Variants in LITAFD observed in about 807,000 individuals in gnomAD.
LITAFD encodes lITAF domain-containing protein.
At chr16:8,883,266 G>A (rs1277871625) in exon 2 of LITAFD, 1 of 152,300 alleles carries the variant, frequency 6.6e-6, no homozygotes, top group Admixed American at 6.6e-5. Context: ...GATGTACTTT[G>A]AAGGCCCCCA....
chr16:8,885,088 C>T (rs78782709), intron 3 of LITAFD, 99 bp from the exon 4 acceptor site: 6,029 of 399,180 alleles, frequency 0.015, 64 homozygotes, highest in Non-Finnish European at 0.02. Context: ...TACACACACA[C>T]GCCCAGGCCC....
chr16:8,883,530 G>C (rs1231949871), intron 2 of LITAFD, among the ~76,000 whole-genome samples: 3 of 151,958 alleles, frequency 2.0e-5, no homozygotes, highest in African/African-American at 7.2e-5. Context: ...ATCACTGGTG[G>C]ATGGGGCCTG....
chr16:8,883,782 AG>A (rs2061552501), intron 2 of LITAFD, among the ~76,000 whole-genome samples: 1 of 152,148 alleles, frequency 6.6e-6, no homozygotes, highest in African/African-American at 2.4e-5. Context: ...AGCACCCTTT[AG>A]GTCAGGTGCG....
chr16:8,883,915 AT>A (rs1440326296), intron 2 of LITAFD, among the ~76,000 whole-genome samples: 1 of 152,096 alleles, frequency 6.6e-6, no homozygotes, highest in Non-Finnish European at 1.5e-5. Context: ...AAATACAAAA[AT>A]AAGCCGGGTG....
At chr16:8,885,079 A>G in intron 3 of LITAFD, 108 bp from the exon 4 acceptor site, 1 of 398,936 alleles carries the variant, frequency 2.5e-6, no homozygotes, top group Non-Finnish European at 4.4e-6. Flanking sequence ...TCTCAAACAT[A>G]CACACACACG....
At chr16:8,885,221 A>C (rs752354065) in exon 4 of LITAFD, 2 of 399,154 alleles carry the variant, frequency 5.0e-6, no homozygotes, top group East Asian at 3.6e-5. Context: ...GGCATTCTGC[A>C]TAAGGAGCCT....
At chr16:8,883,027 G>C (rs968286447) in intron 1 of LITAFD, among the ~76,000 whole-genome samples, 183 bp from the exon 2 acceptor site, 2 of 151,962 alleles carry the variant, frequency 1.3e-5, no homozygotes, top group Non-Finnish European at 2.9e-5. Flanking sequence ...GTTGAGATGG[G>C]GTTTCACCAT....
intron 1 of LITAFD, among the ~76,000 whole-genome samples, chr16:8,882,980 C>T (rs1038216117): frequency 2.0e-5 from 3 of 152,128 alleles, no homozygotes; most frequent in Admixed American, 6.5e-5. Context: ...GGATTACAGG[C>T]GTGCGCCACT....
intron 3 of LITAFD, among the ~76,000 whole-genome samples, chr16:8,884,791 AACAC>A (rs1042345820): frequency 2.6e-5 from 4 of 152,092 alleles, no homozygotes; most frequent in Non-Finnish European, 5.9e-5. Flanking sequence ...GGAGTTTTGA[AACAC>A]ACAGAGGGGC....
chr16:8,884,414 T>C (rs377019791), exon 3 of LITAFD: 3 of 399,118 alleles, frequency 7.5e-6, no homozygotes, highest in East Asian at 3.6e-5. Flanking sequence ...GTGACGACCT[T>C]TGTCCCGGGT....
At chr16:8,883,676 A>G (rs905417416) in intron 2 of LITAFD, among the ~76,000 whole-genome samples, 5 of 152,080 alleles carry the variant, frequency 3.3e-5, no homozygotes, top group Admixed American at 2.6e-4. Context: ...AATTTAAACA[A>G]ATTTTCCAAG....
exon 3 of LITAFD, chr16:8,884,366 A>T (rs1455727017): frequency 2.5e-6 from 1 of 399,022 alleles, no homozygotes; most frequent in Admixed American, 4.4e-5. Context: ...ATGCCGGTGC[A>T]GGCCGTGTGT....
rs1016254926 is a variant in LITAFD, at chr16:8,882,667, A to C, written c.-111+157A>C. 4 of 152,618 alleles carry C rather than the reference A, an allele frequency of 2.6e-5. No individual in the cohort carries two copies. In the Middle Eastern group the frequency reaches 0.01, roughly 389 times the overall value. 9.5% of individuals were successfully genotyped at this position (152,618 alleles called of 1,614,324 possible). A position where few individuals can be genotyped will look rare whatever the true frequency, so the allele number is the denominator to read the frequency against. On this transcript the variant is annotated intron_variant, in intron 1 of 3. Transcript: ENST00000636296. Reference sequence around the variant, plus strand: ...CCTTCCCCGAAATCCTACTGTCCCCACCAATCAGGGGGCCACGGAACCCAA... The same window carrying C: ...CCTTCCCCGAAATCCTACTGTCCCCCCCAATCAGGGGGCCACGGAACCCAA...
intron 3 of LITAFD, 140 bp downstream of exon 3, chr16:8,884,605 A>G (rs1371861053): frequency 2.5e-6 from 1 of 396,762 alleles, no homozygotes; most frequent in African/African-American, 2.1e-5. Context: ...TGGGGCCATT[A>G]CCTCCTTGAG....
chr16:8,885,276 TCTA>T (rs2141144240), exon 4 of LITAFD: 1 of 399,134 alleles, frequency 2.5e-6, no homozygotes, highest in South Asian at 1.3e-4. Flanking sequence ...CGCGAGCTCT[TCTA>T]CTACCACCGC....
At position 8,883,320 on chromosome 16, in the gene LITAFD, G is replaced by A. The variant is rs74320350; in HGVS notation, c.-34+34G>A. The A allele has an allele frequency of 5.9e-3, 905 of 152,536 alleles. 15 individuals carry two copies. The East Asian group carries it at 0.064, about 11-fold the overall frequency. 9.4% of individuals were successfully genotyped at this position (152,536 alleles called of 1,614,324 possible). A position where few individuals can be genotyped will look rare whatever the true frequency, so the allele number is the denominator to read the frequency against. On this transcript the variant is annotated intron_variant, in intron 2 of 3. Coordinates refer to ENST00000636296, the Ensembl canonical transcript of LITAFD. ...GTGCCCCTGCCGGCCTTCCCTTGTCGCTTTCTGTCCCCTGCTCGGAGCTGC... is the reference window on the plus strand; with the variant it reads ...GTGCCCCTGCCGGCCTTCCCTTGTCACTTTCTGTCCCCTGCTCGGAGCTGC...
chr16:8,884,554 G>C (rs112836961), intron 3 of LITAFD, 89 bp downstream of exon 3: 6 of 397,912 alleles, frequency 1.5e-5, no homozygotes, highest in African/African-American at 2.1e-5. Flanking sequence ...GGGAGCTTTC[G>C]GGGAAAATAG....
At chr16:8,883,709 T>C (rs1596338622) in intron 2 of LITAFD, among the ~76,000 whole-genome samples, 1 of 152,162 alleles carries the variant, frequency 6.6e-6, no homozygotes, top group Non-Finnish European at 1.5e-5. Flanking sequence ...AGTCTCCAGA[T>C]TCAGAACTGC....
intron 1 of LITAFD, chr16:8,882,898 T>C (rs1466137973): frequency 2.0e-5 from 3 of 152,270 alleles, no homozygotes; most frequent in Non-Finnish European, 4.4e-5. Flanking sequence ...TGGTGTGGAA[T>C]TGGGAAAGTT....
Sources: gnomAD v4.1 joint callset for allele counts (sites outside exome capture counted in the v4.1 genomes callset) on GRCh38, gnomAD v4.1.1 for gene constraint, MANE v1.5 for transcripts, NCBI Gene and HGNC (gene_info 2026-07-23, HGNC 2026-07-21) for gene names.